Variants in HEPHL1 observed in about 807,000 individuals in gnomAD.
HEPHL1 encodes the protein hephaestin like 1, also known as ferroxidase HEPHL1.
A neutral mutation model predicts 122.0 loss-of-function variants in HEPHL1; 123 were observed. The observed-to-expected ratio is 1.01, with a 90% CI of 0.87 to 1.17. HEPHL1 has a LOEUF of 1.17. HEPHL1 is among the 50% of genes most tolerant of loss of function. The pLI, the probability that HEPHL1 is intolerant of heterozygous loss-of-function variation, is 0.00. For missense variants in HEPHL1, 1,452 were observed against 1,430.5 expected (o/e 1.01, Z -0.24); for synonymous variants, 527 against 508.9 (o/e 1.04, Z -0.48).
At chr11:94,047,301 C>T (rs1945848425) in intron 2 of HEPHL1, among the ~76,000 whole-genome samples, 1 of 152,136 alleles carries the variant, frequency 6.6e-6, no homozygotes. Flanking sequence ...ATTATTTCAT[C>T]ACCCAGGAAT....
chr11:94,079,361 AT>A (rs1357343325), intron 9 of HEPHL1, among the ~76,000 whole-genome samples: 3 of 152,144 alleles, frequency 2.0e-5, no homozygotes, highest in African/African-American at 7.2e-5. Context: ...TTGATCCTTT[AT>A]GTTCTTCCAA....
chr11:94,109,459 A>G (rs528602094), intron 17 of HEPHL1, among the ~76,000 whole-genome samples: 11 of 152,282 alleles, frequency 7.2e-5, no homozygotes, highest in South Asian at 2.1e-4. Context: ...TTAGTCATTC[A>G]CCTTTGAATA....
At chr11:94,050,317 CCTTTACGTTTTTT>C (rs1270111071) in intron 2 of HEPHL1, among the ~76,000 whole-genome samples, 1 of 152,028 alleles carries the variant, frequency 6.6e-6, no homozygotes, top group Non-Finnish European at 1.5e-5. Context: ...AGTCTGTATA[CCTTTACGTTTTTT>C]CTTTTGACTT....
chr11:94,067,740 C>T lies in HEPHL1; in HGVS notation c.1053C>T (p.Asp351=), dbSNP rs1946045890. The T allele has an allele frequency of 1.9e-6, 3 of 1,613,262 alleles. No homozygotes were observed. Among genetic ancestry groups the T allele is most frequent in the South Asian group, 2.2e-5 (2 of 91,064 alleles). ...GKWMITCQVS[D]HLQAGMLGQY... ...GGATGATAACCTGCCAGGTCAGCGA[C>T]CACCTACAAGGTAAAAAGGATAAAG... is the stretch of plus-strand genomic sequence containing the variant. Residue 351 remains aspartate (D), a synonymous_variant, in exon 5 of 20, where the codon GAC becomes GAT. Coordinates refer to ENST00000315765, the MANE Select transcript of HEPHL1 (RefSeq NM_001098672.2).
chr11:94,083,063 C>T (rs1051475762), intron 10 of HEPHL1, among the ~76,000 whole-genome samples: 10 of 146,018 alleles, frequency 6.8e-5, no homozygotes, highest in Non-Finnish European at 1.2e-4. Flanking sequence ...ACAGCCTGGG[C>T]GACAGAGTGA....
chr11:94,032,849 G>A (rs1049895527), intron 1 of HEPHL1, among the ~76,000 whole-genome samples: 1 of 152,124 alleles, frequency 6.6e-6, no homozygotes, highest in Non-Finnish European at 1.5e-5. Context: ...TGCATTGAGG[G>A]GCAAAACGGC....
chr11:94,036,464 G>A (rs1945724425), intron 1 of HEPHL1, among the ~76,000 whole-genome samples: 1 of 152,136 alleles, frequency 6.6e-6, no homozygotes, highest in Admixed American at 6.5e-5. Flanking sequence ...GGACACTCTA[G>A]AGGAATTTTT....
At chr11:94,052,959 T>G (rs2134420289) in intron 2 of HEPHL1, among the ~76,000 whole-genome samples, 1 of 152,244 alleles carries the variant, frequency 6.6e-6, no homozygotes, top group Non-Finnish European at 1.5e-5. Flanking sequence ...GTATCTGATT[T>G]TGTTGTCAAG....
In HEPHL1 at chr11:94,067,713, G is replaced by A. The variant is rs1380903437; in HGVS notation, c.1026G>A (p.Lys342=). 1 of 1,613,624 alleles carries A rather than the reference G, an allele frequency of 6.2e-7. No homozygotes were observed. The highest frequency in any genetic ancestry group is 1.3e-5 in the African/African-American group (1 of 74,918). The change falls in exon 5 of 20, where the codon AAG becomes AAA. Residue 342 remains lysine (K), a synonymous_variant. Transcript: ENST00000315765. ...AAATGATAGCCGAGAATCCTGGGAAGTGGATGATAACCTGCCAGGTCAGCG... is the reference window on the plus strand; with the variant it reads ...AAATGATAGCCGAGAATCCTGGGAAATGGATGATAACCTGCCAGGTCAGCG... ...TTEMIAENPG[K]WMITCQVSDH... is the part of the protein sequence containing the mutation.
intron 17 of HEPHL1, among the ~76,000 whole-genome samples, chr11:94,109,547 A>G (rs2134455970): frequency 6.6e-6 from 1 of 152,292 alleles, no homozygotes; most frequent in South Asian, 2.1e-4. Context: ...CAGAGTTTTG[A>G]TCATCAACAA....
At chr11:94,077,502 C>T (rs1331575079) in intron 9 of HEPHL1, among the ~76,000 whole-genome samples, 1 of 152,126 alleles carries the variant, frequency 6.6e-6, no homozygotes, top group Admixed American at 6.6e-5. Flanking sequence ...TATTCATCCC[C>T]TCAAGCATTT....
Position 94,093,609 on chromosome 11 carries a change from A to G in HEPHL1, c.2403A>G (p.Arg801=). The change falls in exon 13 of 20, where the codon CGA becomes CGG. Residue 801 remains arginine, a synonymous_variant. Coordinates refer to ENST00000315765, the MANE Select transcript of HEPHL1 (RefSeq NM_001098672.2). ...GAGAATTTGTGGAGATCAAAGCCCG[A>G]CCACCACGAGAGGAGCACTTAGAAC... The part of the protein sequence containing the change: ...TDGEFVEIKA[R]PPREEHLELL... 2 of 1,613,710 alleles carry G rather than the reference A, an allele frequency of 1.2e-6. No homozygotes were observed. Among genetic ancestry groups the G allele is most frequent in the Non-Finnish European group, 1.7e-6 (2 of 1,179,798 alleles).
intron 1 of HEPHL1, among the ~76,000 whole-genome samples, chr11:94,037,055 G>A (rs551173466): frequency 1.2e-3 from 189 of 152,252 alleles, no homozygotes; most frequent in African/African-American, 4.4e-3. Context: ...TGCCTCACCT[G>A]GGAAGCGCAA....
At chr11:94,032,897 A>C (rs1328648999) in intron 1 of HEPHL1, among the ~76,000 whole-genome samples, 1 of 152,110 alleles carries the variant, frequency 6.6e-6, no homozygotes, top group Non-Finnish European at 1.5e-5. Context: ...GGGACATTCC[A>C]CTGGTAAGGG....
intron 2 of HEPHL1, chr11:94,055,662 AG>A: frequency 2.6e-6 from 1 of 391,468 alleles, no homozygotes; most frequent in South Asian, 2.0e-5. Flanking sequence ...TGAAGATGTG[AG>A]GAAGCTGGCT....
In HEPHL1 at chr11:94,073,083, G is replaced by T. The variant is rs1448469762; in HGVS notation, c.1291G>T (p.Val431Phe). ...CAGAATAGGAGGAAAATACTGGAAGGTTCGGTATACTGAATTTGTTGATGC... is the reference window on the plus strand; with the variant it reads ...CAGAATAGGAGGAAAATACTGGAAGTTTCGGTATACTGAATTTGTTGATGC... ...DNRIGGKYWK[V>F]RYTEFVDATF... Residue 431 changes from valine (V) to phenylalanine (F), a missense_variant, in exon 7 of 20, where the codon GTT (valine) becomes TTT (phenylalanine). By Grantham distance (50) the Val-to-Phe change is conservative. Transcript: ENST00000315765. 1.9e-6 allele frequency: 3 copies of T among 1,612,778 alleles called. No homozygotes were observed. The highest frequency in any genetic ancestry group is 2.7e-5 in the African/African-American group (2 of 74,860).
At chr11:94,104,778 A>C (rs755422429) in intron 16 of HEPHL1, 28 bp downstream of exon 16, 1 of 1,509,108 alleles carries the variant, frequency 6.6e-7, no homozygotes, top group Non-Finnish European at 9.2e-7. Flanking sequence ...AAAGAAGCCT[A>C]TGTTGAGATA....
At chr11:94,061,191 T>C (rs1434754848) in intron 2 of HEPHL1, among the ~76,000 whole-genome samples, 4 of 151,956 alleles carry the variant, frequency 2.6e-5, no homozygotes, top group Admixed American at 2.0e-4. Flanking sequence ...CTGGAAAAGG[T>C]TGCATTTGCA....
At chr11:94,045,636 T>C in intron 1 of HEPHL1, 37 bp from the exon 2 acceptor site, 1 of 1,528,474 alleles carries the variant, frequency 6.5e-7, no homozygotes, top group Non-Finnish European at 8.9e-7. Flanking sequence ...TCTTCTCTTT[T>C]CATTTCAATT....
Sources: allele counts gnomAD v4.1 joint callset (sites outside exome capture counted in the v4.1 genomes callset), GRCh38; gene constraint gnomAD v4.1.1; transcripts MANE v1.5; gene names NCBI Gene and HGNC (gene_info 2026-07-23, HGNC 2026-07-21).